Variants in MACF1 observed in about 807,000 individuals in gnomAD.
MACF1 encodes the protein microtubule actin crosslinking factor 1, also known as microtubule-actin cross-linking factor 1.
A neutral mutation model predicts 854.8 loss-of-function variants in MACF1; 193 were observed. That is an observed-to-expected ratio of 0.23 (90% CI 0.20 to 0.25). The LOEUF is 0.25. MACF1 is among the 10% of genes least tolerant of loss of function. The probability of loss-of-function intolerance (pLI) is 1.00; values close to 1 mark genes in which losing one functional copy is unlikely to be tolerated. For synonymous variants in MACF1, 3,185 were observed against 3,226.7 expected, an observed-to-expected ratio of 0.99 and a Z score of 0.44; for missense variants, 7,722 against 8,929.1, an observed-to-expected ratio of 0.86 and a Z score of 5.45.
intron 58 of MACF1, among the ~76,000 whole-genome samples, chr1:39,402,407 C>T (rs1416106450): frequency 6.6e-6 from 1 of 152,164 alleles, no homozygotes; most frequent in African/African-American, 2.4e-5. Context: ...GTTCTCATAG[C>T]ACGGTGTGCT....
chr1:39,475,753 A>T (rs753445550), intron 97 of MACF1, among the ~76,000 whole-genome samples: 6 of 152,120 alleles, frequency 3.9e-5, no homozygotes, highest in Non-Finnish European at 5.9e-5. Context: ...CAGTTGCTGG[A>T]TATAACTTCT....
chr1:39,159,398 G>A (rs1199263469), intron 2 of MACF1, among the ~76,000 whole-genome samples: 1 of 152,196 alleles, frequency 6.6e-6, no homozygotes, highest in Non-Finnish European at 1.5e-5. Flanking sequence ...TCTTGGGCCA[G>A]GTTTTCCAGT....
intron 2 of MACF1, among the ~76,000 whole-genome samples, chr1:39,121,779 A>G (rs1642722195): frequency 6.6e-6 from 1 of 152,186 alleles, no homozygotes; most frequent in African/African-American, 2.4e-5. Context: ...ATGATATCCT[A>G]TGATAGTCCA....
In MACF1 at chr1:39,361,519, C is replaced by G. The variant is rs1016792024; in HGVS notation, c.12613C>G (p.Gln4205Glu). The change falls in exon 49 of 101, where the codon CAA becomes GAA. Residue 4205 changes from glutamine (Q) to glutamate (E), a missense_variant. By Grantham distance (29) the Gln-to-Glu change is conservative. Coordinates refer to ENST00000564288, the MANE Select transcript of MACF1 (RefSeq NM_001394062.1). The part of the protein sequence containing the change: ...QRFEQLCLQQ[Q>E]EKESSLKKLL... ...GTTCGAACAGCTCTGTCTACAGCAG[C>G]AAGAAAAGGAGAGCTCCCTAAAGAA... is the stretch of plus-strand genomic sequence containing the variant. 1.9e-5 allele frequency: 31 copies of G among 1,614,048 alleles called. No individual in the cohort carries two copies. The highest frequency in any genetic ancestry group is 2.5e-5 in the Non-Finnish European group (29 of 1,180,056).
intron 58 of MACF1, chr1:39,414,507 T>A: frequency 6.2e-7 from 1 of 1,612,834 alleles, no homozygotes; most frequent in Non-Finnish European, 8.5e-7. Flanking sequence ...CTGGGAAGGG[T>A]CTAAAGAGTA....
At chr1:39,197,457 A>T (rs1644333978) in intron 2 of MACF1, among the ~76,000 whole-genome samples, 1 of 152,236 alleles carries the variant, frequency 6.6e-6, no homozygotes, top group Admixed American at 6.5e-5. Context: ...TGAATGACAC[A>T]AACATGGTAT....
At chr1:39,463,854 A>C in intron 94 of MACF1, 168 bp downstream of exon 94, 1 of 579,734 alleles carries the variant, frequency 1.7e-6, no homozygotes, top group South Asian at 2.0e-5. Flanking sequence ...GTTACATCTG[A>C]AAACTAGTCC....
intron 34 of MACF1, 76 bp downstream of exon 34, chr1:39,324,421 A>G: frequency 6.6e-7 from 1 of 1,525,790 alleles, no homozygotes; most frequent in Non-Finnish European, 8.9e-7. Context: ...AGTAGAAGTC[A>G]CATGTGGGCC....
chr1:39,230,374 G>C (rs1041048483), intron 1 of MACF1, among the ~76,000 whole-genome samples: 7 of 152,172 alleles, frequency 4.6e-5, no homozygotes, highest in African/African-American at 1.4e-4. Flanking sequence ...CACGGAGCAT[G>C]GTCAATGACA....
chr1:39,403,470 G>A (rs549374353), intron 58 of MACF1, among the ~76,000 whole-genome samples: 12 of 152,230 alleles, frequency 7.9e-5, no homozygotes, highest in Admixed American at 1.3e-4. Flanking sequence ...CACATGGGTC[G>A]TTTTTTAGTA....
chr1:39,223,919 G>A (rs917269314), intron 1 of MACF1, among the ~76,000 whole-genome samples: 2 of 152,276 alleles, frequency 1.3e-5, no homozygotes, highest in Non-Finnish European at 2.9e-5. Context: ...CATTGAGAAG[G>A]ATGGATTACA....
At chr1:39,264,371 A>G (rs2148350151) in intron 6 of MACF1, among the ~76,000 whole-genome samples, 1 of 152,296 alleles carries the variant, frequency 6.6e-6, no homozygotes, top group Middle Eastern at 3.4e-3. Context: ...TTGACATATT[A>G]CATGTTTACT....
At chr1:39,484,212 G>T (rs188426840) in intron 99 of MACF1, among the ~76,000 whole-genome samples, 16 of 152,284 alleles carry the variant, frequency 1.1e-4, no homozygotes, top group African/African-American at 3.4e-4. Flanking sequence ...AAATAGGTGG[G>T]CTAAAACTCA....
chr1:39,281,729 A>G (rs1170140603), intron 6 of MACF1, among the ~76,000 whole-genome samples: 1 of 152,246 alleles, frequency 6.6e-6, no homozygotes, highest in Non-Finnish European at 1.5e-5. Flanking sequence ...TATGATTTAT[A>G]ACCAGTCAAC....
chr1:39,229,969 T>C (rs1644760039), intron 1 of MACF1, among the ~76,000 whole-genome samples: 1 of 152,078 alleles, frequency 6.6e-6, no homozygotes, highest in East Asian at 1.9e-4. Flanking sequence ...TCTCCAACTC[T>C]TGAGCTCAAG....
chr1:39,335,630 G>A lies in MACF1; in HGVS notation c.9042G>A (p.Lys3014=), dbSNP rs756295327. ...AIRDEHDSHI[K]SQPREMTSSE... ...GAGATGAGCATGACTCCCATATAAAGAGCCAACCTAGGGAAATGACCTCAA... is the reference window on the plus strand; with the variant it reads ...GAGATGAGCATGACTCCCATATAAAAAGCCAACCTAGGGAAATGACCTCAA... The change falls in exon 37 of 101, where the codon AAG becomes AAA. Residue 3014 remains lysine (K), a synonymous_variant. Transcript: ENST00000564288. 6.2e-7 allele frequency: 1 copy of A among 1,614,126 alleles called. No individual in the cohort carries two copies. The highest frequency in any genetic ancestry group is 1.1e-5 in the South Asian group (1 of 91,068).
At chr1:39,200,140 A>G (rs565324117), upstream of MACF1, among the ~76,000 whole-genome samples, 2 of 152,338 alleles carry the variant, frequency 1.3e-5, no homozygotes, top group South Asian at 4.1e-4. Flanking sequence ...GCTAAATTCA[A>G]TGGTCAGTTC....
intron 68 of MACF1, 132 bp downstream of exon 68, chr1:39,433,287 T>G: frequency 1.8e-6 from 1 of 555,824 alleles, no homozygotes; most frequent in Middle Eastern, 4.9e-4. Flanking sequence ...AAAGTCCAGC[T>G]TGATGTTCTG....
At chr1:39,468,416 C>G (rs1172292725) in intron 95 of MACF1, among the ~76,000 whole-genome samples, 199 bp from the exon 96 acceptor site, 1 of 152,158 alleles carries the variant, frequency 6.6e-6, no homozygotes, top group East Asian at 1.9e-4. Flanking sequence ...ATCAAGACAC[C>G]AGTCTTTAGC....
Sources: gnomAD v4.1 joint callset for allele counts (sites outside exome capture counted in the v4.1 genomes callset) on GRCh38, gnomAD v4.1.1 for gene constraint, MANE v1.5 for transcripts, NCBI Gene and HGNC (gene_info 2026-07-23, HGNC 2026-07-21) for gene names.